Variants in STARD8 observed in about 807,000 individuals in gnomAD.
STARD8 encodes stAR-related lipid transfer protein 8.
STARD8 carries 25 observed loss-of-function variants against 69.4 expected under a neutral mutation model. The ratio of observed to expected loss-of-function variants is 0.36; its 90% CI spans 0.26 to 0.50. The LOEUF is 0.50. Ranked by LOEUF, STARD8 falls within the 20% of genes least tolerant of loss-of-function variation. The probability of loss-of-function intolerance (pLI) is 0.96; values close to 1 mark genes in which losing one functional copy is unlikely to be tolerated. For missense variants in STARD8, 921 were observed against 932.5 expected, an observed-to-expected ratio of 0.99 and a Z score of 0.16; for synonymous variants, 389 against 374.6, an observed-to-expected ratio of 1.04 and a Z score of -0.45.
intron 9 of STARD8, 43 bp downstream of exon 9, chrX:68,721,165 A>C: frequency 2.1e-5 from 25 of 1,172,073 alleles, no homozygotes; most frequent in East Asian, 3.0e-5. Context: ...TCCCATTCTC[A>C]ACCTCCCTGA....
intron 2 of STARD8, among the ~76,000 whole-genome samples, chrX:68,682,029 C>G (rs1181284651): frequency 9.4e-6 from 1 of 106,897 alleles, no homozygotes; most frequent in East Asian, 2.9e-4. Context: ...GACAGAGTCT[C>G]GCTCTGTCAC....
intron 5 of STARD8, 54 bp from the exon 6 acceptor site, chrX:68,717,158 G>A (rs775845093): frequency 1.8e-6 from 2 of 1,115,351 alleles, no homozygotes; most frequent in African/African-American, 1.9e-5. Flanking sequence ...TGGAGTACAA[G>A]CAAGGACTTG....
chrX:68,713,345 C>A (rs1327929152), intron 3 of STARD8, among the ~76,000 whole-genome samples: 3 of 112,518 alleles, frequency 2.7e-5, no homozygotes, highest in Non-Finnish European at 5.6e-5. Flanking sequence ...TCACTTGCCC[C>A]ACAGTGATGG....
intron 1 of STARD8, among the ~76,000 whole-genome samples, chrX:68,652,822 C>G (rs2079559205): frequency 1.4e-5 from 1 of 73,022 alleles, no homozygotes; most frequent in Admixed American, 1.6e-4. Flanking sequence ...ACACCCCACA[C>G]ACCCCACACC....
chrX:68,717,958 G>C lies in STARD8; in HGVS notation c.1044G>C (p.Thr348=). The C allele has an allele frequency of 8.3e-7, 1 of 1,209,749 alleles. No homozygotes were observed. Among genetic ancestry groups the C allele is most frequent in the African/African-American group, 1.7e-5 (1 of 57,829 alleles). The change falls in exon 6 of 15, where the codon ACG becomes ACC. Residue 348 remains threonine (T), a synonymous_variant. Coordinates refer to ENST00000374599, the MANE Select transcript of STARD8 (RefSeq NM_001142503.3). ...CEGRRGSCGS[T]GSHASTYDNL... ...GGCGCCGGGGCTCCTGTGGCTCAAC[G>C]GGCAGCCATGCCAGCACGTATGACA...
intron 2 of STARD8, among the ~76,000 whole-genome samples, chrX:68,666,042 C>CT (rs1449300819): frequency 9.0e-6 from 1 of 111,661 alleles, no homozygotes; most frequent in Non-Finnish European, 1.9e-5. Flanking sequence ...TAGCCTTTTC[C>CT]TTTTGCTCTC....
chrX:68,720,563 G>T (rs1158764263), intron 8 of STARD8, 140 bp downstream of exon 8: 1 of 740,516 alleles, frequency 1.4e-6, no homozygotes, highest in Non-Finnish European at 1.9e-6. Flanking sequence ...AGAGGCCTTT[G>T]CTGTTCTCAG....
intron 8 of STARD8, 24 bp from the exon 9 acceptor site, chrX:68,720,900 C>T: frequency 8.4e-7 from 1 of 1,192,412 alleles, no homozygotes; most frequent in Non-Finnish European, 1.1e-6. Flanking sequence ...TTTCCTCACT[C>T]CCTCCCTCCC....
chrX:68,660,296 T>C (rs1023912677), intron 1 of STARD8, among the ~76,000 whole-genome samples: 1 of 112,039 alleles, frequency 8.9e-6, no homozygotes, highest in Non-Finnish European at 1.9e-5. Context: ...CTACCTCTCA[T>C]TTGGTAACAA....
chrX:68,721,879 G>T, intron 10 of STARD8, 133 bp downstream of exon 10: 1 of 798,564 alleles, frequency 1.3e-6, no homozygotes, highest in Non-Finnish European at 1.8e-6. Flanking sequence ...CTCCTCAGGG[G>T]CCCTGGGCTG....
intron 2 of STARD8, among the ~76,000 whole-genome samples, chrX:68,681,145 A>G (rs770015005): frequency 1.8e-5 from 2 of 111,585 alleles, no homozygotes; most frequent in Admixed American, 9.5e-5. Flanking sequence ...AGGGCTAGGA[A>G]TTATCCTTCC....
chrX:68,712,674 G>A (rs2080060123), intron 2 of STARD8, among the ~76,000 whole-genome samples: 1 of 111,665 alleles, frequency 9.0e-6, no homozygotes, highest in Non-Finnish European at 1.9e-5. Flanking sequence ...CAGGGAATGA[G>A]ACTCAAGAAA....
intron 1 of STARD8, among the ~76,000 whole-genome samples, chrX:68,653,451 CCACA>C (rs1177573347): frequency 5.4e-5 from 3 of 55,207 alleles, no homozygotes; most frequent in Admixed American, 4.2e-4. Context: ...ACACCTCACA[CCACA>C]CACACACACC....
At chrX:68,686,095 A>C (rs2079830188) in intron 2 of STARD8, among the ~76,000 whole-genome samples, 1 of 112,045 alleles carries the variant, frequency 8.9e-6, no homozygotes, top group African/African-American at 3.2e-5. Flanking sequence ...GAGAGGAATC[A>C]GTGGAGGGAA....
At position 68,722,546 on chromosome X, in the gene STARD8, T is replaced by G; in HGVS notation, c.2699T>G (p.Met900Arg). Residue 900 changes from methionine to arginine, a missense_variant, in exon 12 of 15, where the codon ATG becomes AGG. Coordinates refer to ENST00000374599, the MANE Select transcript of STARD8 (RefSeq NM_001142503.3). Reference protein sequence around the residue: ...QAAGVSLSLYMEENIQDLLRD... With the variant: ...QAAGVSLSLYREENIQDLLRD... The stretch of plus-strand genomic sequence containing the variant: ...GCAGGGGTAAGCCTGAGCCTCTACA[T>G]GGAAGAGAATATCCAGGACCTGCTG... The G allele has an allele frequency of 8.3e-7, 1 of 1,211,661 alleles. No homozygotes were observed. Among genetic ancestry groups the G allele is most frequent in the Non-Finnish European group, 1.1e-6 (1 of 895,524 alleles).
At chrX:68,681,687 G>A (rs947991653) in intron 2 of STARD8, among the ~76,000 whole-genome samples, 1 of 112,311 alleles carries the variant, frequency 8.9e-6, no homozygotes, top group Non-Finnish European at 1.9e-5. Flanking sequence ...AATGAGCTCA[G>A]TTCTCCACAG....
At chrX:68,661,978 T>C (rs55770399) in intron 1 of STARD8, among the ~76,000 whole-genome samples, 2 of 54,698 alleles carry the variant, frequency 3.7e-5, no homozygotes, top group East Asian at 4.3e-4. Context: ...CTCTCTTTCT[T>C]TCTTTCTTTC....
chrX:68,721,900 G>A, intron 10 of STARD8, 147 bp from the exon 11 acceptor site: 1 of 777,223 alleles, frequency 1.3e-6, no homozygotes, highest in Admixed American at 3.3e-5. Context: ...GTGGGATGCT[G>A]TGGAGCAGGG....
At position 68,688,918 on chromosome X, in the gene STARD8, G is replaced by A. The variant is rs772156539; in HGVS notation, c.79+23386G>A. On this transcript the variant is annotated intron_variant, in intron 2 of 14. Transcript: ENST00000374599. Reference sequence around the variant, plus strand: ...CACCCCCATGGGAACACACAGAGCAGCTCACAGAAGCAGAGCGTTCTGGAA... The same window carrying A: ...CACCCCCATGGGAACACACAGAGCAACTCACAGAAGCAGAGCGTTCTGGAA... Among the ~76,000 whole-genome samples the A allele has an allele frequency of 6.5e-5, 7 of 107,952 alleles. No homozygotes were observed. The Admixed American group carries it at 6.9e-4, about 11-fold the overall frequency. The allele number at this position is 107,952 out of a possible 115,157, so 93.7% of individuals were successfully genotyped here.
Sources: allele counts gnomAD v4.1 joint callset (sites outside exome capture counted in the v4.1 genomes callset), GRCh38; gene constraint gnomAD v4.1.1; transcripts MANE v1.5; gene names NCBI Gene and HGNC (gene_info 2026-07-23, HGNC 2026-07-21).